The following KIF17 variants were observed in gnomAD, a reference collection of about 807,000 sequenced individuals.
KIF17 encodes the protein kinesin-like protein KIF17.
KIF17 carries 80 observed loss-of-function variants against 96.8 expected under a neutral mutation model. That is an observed-to-expected ratio of 0.83 (90% CI 0.69 to 1.00). The LOEUF is 1.00. KIF17 is among the 50% of genes least tolerant of loss of function. KIF17 has a pLI of 0.00. For synonymous variants in KIF17, 567 were observed against 587.5 expected (o/e 0.97, Z 0.51); for missense variants, 1,280 against 1,372.9 (o/e 0.93, Z 1.07).
intron 1 of KIF17, among the ~76,000 whole-genome samples, chr1:20,716,075 T>C (rs1239719936): frequency 1.3e-5 from 2 of 152,030 alleles, no homozygotes; most frequent in African/African-American, 2.4e-5. Flanking sequence ...GGTGAAACCC[T>C]GTCTCTACTA....
intron 5 of KIF17, among the ~76,000 whole-genome samples, chr1:20,698,788 G>C (rs1158784981): frequency 6.6e-6 from 1 of 152,096 alleles, no homozygotes; most frequent in Non-Finnish European, 1.5e-5. Context: ...AATGCCTCGT[G>C]GTGGTGTTCG....
intron 6 of KIF17, among the ~76,000 whole-genome samples, chr1:20,698,119 C>G (rs985441405): frequency 6.6e-6 from 1 of 152,216 alleles, no homozygotes; most frequent in Non-Finnish European, 1.5e-5. Context: ...CCTCCACACC[C>G]CTCTGTTCTC....
intron 12 of KIF17, among the ~76,000 whole-genome samples, chr1:20,671,583 C>T (rs904778868): frequency 2.0e-5 from 3 of 152,132 alleles, no homozygotes; most frequent in Non-Finnish European, 4.4e-5. Context: ...AATCTGCCAG[C>T]CTTAGCCTCC....
At chr1:20,690,034 G>A (rs1162607233) in intron 7 of KIF17, among the ~76,000 whole-genome samples, 154 bp downstream of exon 7, 1 of 152,204 alleles carries the variant, frequency 6.6e-6, no homozygotes, top group Non-Finnish European at 1.5e-5. Flanking sequence ...TATATAGCGA[G>A]CATAATTGTG....
At chr1:20,716,227 G>A (rs550664748) in intron 1 of KIF17, among the ~76,000 whole-genome samples, 48 of 145,202 alleles carry the variant, frequency 3.3e-4, no homozygotes, top group Non-Finnish European at 6.5e-4. Flanking sequence ...GGGCGACAGC[G>A]CGAGACTCCG....
chr1:20,679,349 G>A (rs1372996547), intron 11 of KIF17, among the ~76,000 whole-genome samples: 2 of 152,014 alleles, frequency 1.3e-5, no homozygotes, highest in Non-Finnish European at 2.9e-5. Context: ...GCGTGGTGGT[G>A]CATACCTGTA....
At position 20,664,241 on chromosome 1, in the gene KIF17, G is replaced by T; in HGVS notation, c.*343C>A. ...AGCTGCTGCCCTCTCCATCAGGGCT[G>T]GTGAAGGCCGTGAAGCAGGTCTCAG... On this transcript the variant is annotated 3_prime_UTR_variant, in exon 15 of 15. Transcript: ENST00000400463. 6.7e-6 allele frequency: 6 copies of T among 895,014 alleles called. No homozygotes were observed. The highest frequency in any genetic ancestry group is 9.0e-6 in the Non-Finnish European group (6 of 664,510). The allele number at this position is 895,014 out of a possible 1,614,324, so 55.4% of individuals were successfully genotyped here. A position where few individuals can be genotyped will look rare whatever the true frequency, so the allele number is the denominator to read the frequency against.
intron 8 of KIF17, among the ~76,000 whole-genome samples, chr1:20,686,792 C>G (rs1173966833): frequency 6.6e-6 from 1 of 152,192 alleles, no homozygotes; most frequent in Non-Finnish European, 1.5e-5. Context: ...AACTCCTGGC[C>G]TCAGGTGATC....
At position 20,664,567 on chromosome 1, in the gene KIF17, A is replaced by G. The variant is rs376515454; in HGVS notation, c.*17T>C. The G allele has an allele frequency of 1.9e-5, 30 of 1,613,872 alleles. No individual in the cohort carries two copies. Among genetic ancestry groups the G allele is most frequent in the East Asian group, 4.5e-5 (2 of 44,882 alleles). On this transcript the variant is annotated 3_prime_UTR_variant, in exon 15 of 15. Coordinates refer to ENST00000400463, the MANE Select transcript of KIF17 (RefSeq NM_001122819.3). Reference sequence around the variant, plus strand: ...TCTCTACATGCCTATAAGGCAGGCAATGGCAAGCAGCTGTGCTCACAGAGG... The same window carrying G: ...TCTCTACATGCCTATAAGGCAGGCAGTGGCAAGCAGCTGTGCTCACAGAGG...
chr1:20,664,133 G>C lies in KIF17; in HGVS notation c.*451C>G, dbSNP rs2053482640. The C allele has an allele frequency of 3.6e-6, 1 of 280,628 alleles. No individual in the cohort carries two copies. Among genetic ancestry groups the C allele is most frequent in the Non-Finnish European group, 6.9e-6 (1 of 144,010 alleles). The allele number at this position is 280,628 out of a possible 1,614,324, so 17.4% of individuals were successfully genotyped here. On this transcript the variant is annotated 3_prime_UTR_variant, in exon 15 of 15. Transcript: ENST00000400463. ...GTGGGACCCCTGTGCCACCCCATGG[G>C]GCAGGGCAGTGCTTAGGAAGTGGGG...
chr1:20,663,183 G>A (rs146813541), downstream of KIF17, among the ~76,000 whole-genome samples: 445 of 152,216 alleles, frequency 2.9e-3, 3 homozygotes, highest in African/African-American at 0.01. Flanking sequence ...GAGATTGCCC[G>A]CTGCTGCACT....
Position 20,684,964 on chromosome 1 carries a change from G to T in KIF17, c.2076C>A (p.Gly692=). Residue 692 remains glycine (G), a synonymous_variant, in exon 10 of 15, where the codon GGC becomes GGA. Transcript: ENST00000400463. Reference sequence around the variant, plus strand: ...CCGGGGCCTGAGCCTCCAACCACACGCCAGGCTCTGCTGTCCGCACCACCT... The same window carrying T: ...CCGGGGCCTGAGCCTCCAACCACACTCCAGGCTCTGCTGTCCGCACCACCT... ...ALEVVRTAEP[G]VWLEAQAPVA... is the part of the protein sequence containing the mutation. 5 of 1,605,312 alleles carry T rather than the reference G, an allele frequency of 3.1e-6. No individual in the cohort carries two copies. In the South Asian group the frequency reaches 3.4e-5, roughly 11 times the overall value.
intron 4 of KIF17, among the ~76,000 whole-genome samples, chr1:20,705,929 G>A (rs1436685015): frequency 9.7e-6 from 1 of 103,180 alleles, no homozygotes; most frequent in Non-Finnish European, 2.0e-5. Flanking sequence ...TTGCCTTTGG[G>A]ACAGGGTCTC....
At position 20,704,303 on chromosome 1, in the gene KIF17, G is replaced by T. The variant is rs1363705137; in HGVS notation, c.1123+144C>A. On this transcript the variant is annotated intron_variant, in intron 5 of 14. Coordinates refer to ENST00000400463, the MANE Select transcript of KIF17 (RefSeq NM_001122819.3). The surrounding 1 kb of genome is among the most constrained non-coding windows in gnomAD (Gnocchi z 6.8). ...ACCATCTGGGCCGTCTCCAACCAGG[G>T]CCCTGCGCTCACATGGGGCTGAGGG... is the stretch of plus-strand genomic sequence containing the variant. 10 of 737,424 alleles carry T rather than the reference G, an allele frequency of 1.4e-5. No individual in the cohort carries two copies. Among genetic ancestry groups the T allele is most frequent in the Non-Finnish European group, 2.1e-5 (9 of 422,046 alleles). The allele number at this position is 737,424 out of a possible 1,614,324, so 45.7% of individuals were successfully genotyped here. A position where few individuals can be genotyped will look rare whatever the true frequency, so the allele number is the denominator to read the frequency against.
chr1:20,708,244 A>T (rs1217162500), intron 4 of KIF17, among the ~76,000 whole-genome samples: 1 of 152,198 alleles, frequency 6.6e-6, no homozygotes. Flanking sequence ...TCATGGCCTC[A>T]TACCTAAGCA....
Position 20,682,693 on chromosome 1 carries a change from A to G in KIF17, c.2423T>C (p.Val808Ala), listed in dbSNP as rs775026398. The change falls in exon 11 of 15, where the codon GTG (valine) becomes GCG (alanine). Residue 808 changes from valine (V) to alanine (A), a missense_variant. By Grantham distance (64) the Val-to-Ala change is moderately conservative. Transcript: ENST00000400463. ...LNVYDSIQEE[V>A]RAKSKLLEKM... The stretch of plus-strand genomic sequence containing the variant: ...CTCCAGCAGCTTGCTCTTGGCCCGC[A>G]CTTCCTCCTGGATGGAGTCGTAGAC... The G allele has an allele frequency of 1.2e-6, 2 of 1,613,876 alleles. No individual in the cohort carries two copies. Among genetic ancestry groups the G allele is most frequent in the Non-Finnish European group, 1.7e-6 (2 of 1,180,016 alleles).
rs955344773 is a variant in KIF17, at chr1:20,703,445, TGGAG to T, written c.1123+998_1123+1001del. 4.2e-4 allele frequency among the ~76,000 whole-genome samples: 63 copies of T among 148,652 alleles called. 1 individual carries two copies. Among genetic ancestry groups the T allele is most frequent in the African/African-American group, 1.4e-3 (56 of 39,898 alleles). ...GGAAGGAAGAAATGGATTGATGGAATGGAGGGAGAGATGGGTAGATGGGAGGATG... is the reference window on the plus strand; with the variant it reads ...GGAAGGAAGAAATGGATTGATGGAATGGAGAGATGGGTAGATGGGAGGATG... On this transcript the variant is annotated intron_variant, in intron 5 of 14. Coordinates refer to ENST00000400463, the MANE Select transcript of KIF17 (RefSeq NM_001122819.3).
At position 20,717,797 on chromosome 1, in the gene KIF17, G is replaced by A; in HGVS notation, c.-91C>T. On this transcript the variant is annotated 5_prime_UTR_variant, in exon 1 of 15. Transcript: ENST00000400463. ...CGGGCCAAGGGGCGGGGCCAGCGCC[G>A]GCCACGGGGGGCGGGGCCTTGAGGC... The A allele has an allele frequency of 2.3e-6, 3 of 1,329,980 alleles. No homozygotes were observed. Among genetic ancestry groups the A allele is most frequent in the South Asian group, 1.9e-5 (1 of 53,452 alleles). The allele number at this position is 1,329,980 out of a possible 1,614,324, so 82.4% of individuals were successfully genotyped here.
chr1:20,713,635 C>G, intron 2 of KIF17, 80 bp from the exon 3 acceptor site: 1 of 1,004,718 alleles, frequency 1.0e-6, no homozygotes. Context: ...GGGGCCTGGG[C>G]CCTCTGCCAC....
Sources: gnomAD v4.1 joint callset for allele counts (sites outside exome capture counted in the v4.1 genomes callset) on GRCh38, gnomAD v4.1.1 for gene constraint, Gnocchi (gnomAD v3.1) non-coding constraint, MANE v1.5 for transcripts, NCBI Gene and HGNC (gene_info 2026-07-23, HGNC 2026-07-21) for gene names.